Variants in TOP1 observed in about 807,000 individuals in gnomAD.
TOP1 encodes the protein DNA topoisomerase 1.
Under a neutral mutation model 111.1 loss-of-function variants are expected in TOP1, and 10 were observed. The observed-to-expected ratio is 0.09, with a 90% CI of 0.06 to 0.15. The LOEUF is 0.15. Ranked by LOEUF, TOP1 falls within the 10% of genes least tolerant of loss-of-function variation. The probability of loss-of-function intolerance (pLI) is 1.00; values close to 1 mark genes in which losing one functional copy is unlikely to be tolerated. For synonymous variants in TOP1, 271 were observed against 302.9 expected, an observed-to-expected ratio of 0.89 and a Z score of 1.10; for missense variants, 474 against 926.7, an observed-to-expected ratio of 0.51 and a Z score of 6.34.
Position 41,067,228 on chromosome 20 carries a change from T to C in TOP1, c.155+5738T>C, listed in dbSNP as rs1044944272. Among the ~76,000 whole-genome samples the C allele has an allele frequency of 3.9e-5, 6 of 152,026 alleles. No homozygotes were observed. Among genetic ancestry groups the C allele is most frequent in the Non-Finnish European group, 8.8e-5 (6 of 68,006 alleles). On this transcript the variant is annotated intron_variant, in intron 3 of 20. Transcript: ENST00000361337. This position sits in a 1 kb window ranked among gnomAD's most constrained non-coding sequence, Gnocchi z 4.0. The stretch of plus-strand genomic sequence containing the variant: ...TCTGCCTCCTGGGTTCAAGCGATTC[T>C]CCTGCCTCAGCCTCCCGAGTAGCTG...
At chr20:41,073,456 C>T in intron 3 of TOP1, 4 of 984,588 alleles carry the variant, frequency 4.1e-6, no homozygotes, top group African/African-American at 1.8e-5. Flanking sequence ...GGTATCCAAA[C>T]ATCTTTATTC....
rs1458876769 is a variant in TOP1, at chr20:41,100,411, C to T, written c.1163+168C>T. 2.0e-5 allele frequency among the ~76,000 whole-genome samples: 3 copies of T among 152,146 alleles called. No individual in the cohort carries two copies. Among genetic ancestry groups the T allele is most frequent in the East Asian group, 1.9e-4 (1 of 5,198 alleles). ...AGATGTTTTTGAGGTACAGTTGTCT[C>T]CCCTCATCCACAGGGGATATGTTCC... On this transcript the variant is annotated intron_variant, in intron 12 of 20. Coordinates refer to ENST00000361337, the MANE Select transcript of TOP1 (RefSeq NM_003286.4). This position sits in a 1 kb window ranked among gnomAD's most constrained non-coding sequence, Gnocchi z 4.4.
chr20:41,049,265 G>A (rs183468011), intron 2 of TOP1, among the ~76,000 whole-genome samples: 6 of 152,276 alleles, frequency 3.9e-5, no homozygotes, highest in Admixed American at 3.9e-4. Flanking sequence ...CTGAACACTT[G>A]GGCACTTTGG....
intron 13 of TOP1, among the ~76,000 whole-genome samples, chr20:41,108,579 A>T (rs1411674796): frequency 2.0e-5 from 3 of 152,138 alleles, no homozygotes; most frequent in Non-Finnish European, 2.9e-5. Context: ...GGTTGTCCTG[A>T]ACTCATTCAT....
intron 8 of TOP1, among the ~76,000 whole-genome samples, chr20:41,089,192 T>C (rs970924526): frequency 6.6e-6 from 1 of 151,758 alleles, no homozygotes; most frequent in African/African-American, 2.4e-5. Context: ...TCCCGGCTAA[T>C]TTTTTATATT....
Position 41,101,238 on chromosome 20 carries a change from G to A in TOP1, c.1193G>A (p.Gly398Glu). 6.2e-7 allele frequency: 1 copy of A among 1,614,076 alleles called. No individual in the cohort carries two copies. Among genetic ancestry groups the A allele is most frequent in the Non-Finnish European group, 8.5e-7 (1 of 1,179,960 alleles). ...KDAKVPSPPP[G>E]HKWKEVRHDN... ...GCCAAGGTTCCTTCTCCTCCTCCAG[G>A]ACATAAGTGGAAAGAAGTCCGGCAT... is the stretch of plus-strand genomic sequence containing the variant. The change falls in exon 13 of 21, where the codon GGA becomes GAA. Residue 398 changes from glycine to glutamate, a missense_variant. By Grantham distance (98) the Gly-to-Glu change is moderately conservative (BLOSUM62 -2). This residue lies in a region of TOP1 where 22 missense variants were observed against 30.4 expected (regional missense o/e 0.72). Transcript: ENST00000361337. The surrounding 1 kb of genome is among the most constrained non-coding windows in gnomAD (Gnocchi z 4.1).
At chr20:41,063,614 G>A (rs775744911) in intron 3 of TOP1, among the ~76,000 whole-genome samples, 12 of 152,022 alleles carry the variant, frequency 7.9e-5, no homozygotes, top group Non-Finnish European at 1.6e-4. Context: ...GCTGGTTTTT[G>A]ATTTTTAATA....
chr20:41,086,042 C>T (rs2033843617), intron 8 of TOP1, among the ~76,000 whole-genome samples: 1 of 152,190 alleles, frequency 6.6e-6, no homozygotes, highest in African/African-American at 2.4e-5. Flanking sequence ...GCTGGTGGAT[C>T]ACCTGAGGTC....
chr20:41,098,603 T>C lies in TOP1; in HGVS notation c.975+266T>C, dbSNP rs865863783. On this transcript the variant is annotated intron_variant, in intron 11 of 20. Transcript: ENST00000361337. The surrounding 1 kb of genome is among the most constrained non-coding windows in gnomAD (Gnocchi z 5.7). ...CAGTCAGTAACTCCAGCCAATAATA[T>C]AGTAATTAAGGATGGGCAGACCTGT... 6 of 340,270 alleles carry C rather than the reference T, an allele frequency of 1.8e-5. No individual in the cohort carries two copies. Among genetic ancestry groups the C allele is most frequent in the Non-Finnish European group, 3.2e-5 (6 of 185,154 alleles). The allele number at this position is 340,270 out of a possible 1,614,324, so 21.1% of individuals were successfully genotyped here.
At chr20:41,107,399 CTT>C (rs544563477) in intron 13 of TOP1, among the ~76,000 whole-genome samples, 136 of 152,074 alleles carry the variant, frequency 8.9e-4, no homozygotes, top group Non-Finnish European at 2.1e-4. Context: ...CTCTTTGTCT[CTT>C]TAGGTCTGAT....
At position 41,028,981 on chromosome 20, in the gene TOP1, T is replaced by C; in HGVS notation, c.-87T>C. ...CCTGCGCCTCCTCGAGCCTCCGGAG[T>C]CCCCGTCCGCCCGCACAGGCCGGTT... On this transcript the variant is annotated 5_prime_UTR_variant, in exon 1 of 21. Transcript: ENST00000361337. The C allele has an allele frequency of 8.4e-7, 1 of 1,189,990 alleles. No individual in the cohort carries two copies. The highest frequency in any genetic ancestry group is 1.2e-6 in the Non-Finnish European group (1 of 839,918). 73.7% of individuals were successfully genotyped at this position (1,189,990 alleles called of 1,614,324 possible).
chr20:41,080,203 G>T lies in TOP1; in HGVS notation c.431+23G>T. 2 of 1,456,484 alleles carry T rather than the reference G, an allele frequency of 1.4e-6. No individual in the cohort carries two copies. Among genetic ancestry groups the T allele is most frequent in the South Asian group, 2.5e-5 (2 of 81,226 alleles). The allele number at this position is 1,456,484 out of a possible 1,614,324, so 90.2% of individuals were successfully genotyped here. A position where few individuals can be genotyped will look rare whatever the true frequency, so the allele number is the denominator to read the frequency against. ...TGAGTGAGTATTTTCTTAAAACTTT[G>T]ACTTTTGAAAACAAAAAGGAGGAGT... is the stretch of plus-strand genomic sequence containing the variant. On this transcript the variant is annotated intron_variant, in intron 6 of 20. Transcript: ENST00000361337. This position sits in a 1 kb window ranked among gnomAD's most constrained non-coding sequence, Gnocchi z 5.0.
chr20:41,096,128 G>A (rs1322757179), intron 9 of TOP1, among the ~76,000 whole-genome samples: 1 of 152,108 alleles, frequency 6.6e-6, no homozygotes, highest in African/African-American at 2.4e-5. Flanking sequence ...GTGCAGTGGC[G>A]TGATCTTGGC....
In TOP1 at chr20:41,092,963, A is replaced by G. The variant is rs1323963215; in HGVS notation, c.730+376A>G. On this transcript the variant is annotated intron_variant, in intron 9 of 20. Coordinates refer to ENST00000361337, the MANE Select transcript of TOP1 (RefSeq NM_003286.4). The surrounding 1 kb of genome is among the most constrained non-coding windows in gnomAD (Gnocchi z 4.3). ...AGTATTTTATGTTAGCAATATAACA[A>G]TGCAATCGGACAAGCTGCTCATCAC... Among the ~76,000 whole-genome samples, 5 of 152,240 alleles carry G rather than the reference A, an allele frequency of 3.3e-5. No individual in the cohort carries two copies. Among genetic ancestry groups the G allele is most frequent in the African/African-American group, 1.2e-4 (5 of 41,468 alleles).
chr20:41,062,473 T>G (rs1487835936), intron 3 of TOP1, among the ~76,000 whole-genome samples: 1 of 152,222 alleles, frequency 6.6e-6, no homozygotes, highest in East Asian at 1.9e-4. Flanking sequence ...TATCCCTCAC[T>G]TATCTCTTAT....
chr20:41,114,219 C>G lies in TOP1; in HGVS notation c.1638+64C>G. Reference sequence around the variant, plus strand: ...TTATTCAACAAGCATGGGTTGACTGCTTTTTTGTGTGCTTTGCACTTTGCT... The same window carrying G: ...TTATTCAACAAGCATGGGTTGACTGGTTTTTTGTGTGCTTTGCACTTTGCT... On this transcript the variant is annotated intron_variant, in intron 15 of 20. Transcript: ENST00000361337. The surrounding 1 kb of genome is among the most constrained non-coding windows in gnomAD (Gnocchi z 4.5). 1.4e-6 allele frequency: 2 copies of G among 1,440,656 alleles called. No homozygotes were observed. Among genetic ancestry groups the G allele is most frequent in the South Asian group, 2.5e-5 (2 of 78,576 alleles). 89.2% of individuals were successfully genotyped at this position (1,440,656 alleles called of 1,614,324 possible).
rs1353292478 is a variant in TOP1 at position 41,029,221 on chromosome 20, G to A, written c.33+121G>A. ...TTGACAGGCCGGAGCCCCCGGTGAG[G>A]GGCCGCCTGCCGGAGTAGATCGGCT... On this transcript the variant is annotated intron_variant, in intron 1 of 20. Transcript: ENST00000361337. The surrounding 1 kb of genome is among the most constrained non-coding windows in gnomAD (Gnocchi z 6.1). The A allele has an allele frequency of 1.2e-6, 1 of 867,334 alleles. No individual in the cohort carries two copies. Among genetic ancestry groups the A allele is most frequent in the Non-Finnish European group, 1.6e-6 (1 of 622,716 alleles). 53.7% of individuals were successfully genotyped at this position (867,334 alleles called of 1,614,324 possible). A position where few individuals can be genotyped will look rare whatever the true frequency, so the allele number is the denominator to read the frequency against.
chr20:41,077,240 T>G (rs2033738843), intron 4 of TOP1, among the ~76,000 whole-genome samples: 1 of 152,180 alleles, frequency 6.6e-6, no homozygotes, highest in African/African-American at 2.4e-5. Context: ...GTTTTGTTTG[T>G]TTGGTTTTTG....
intron 2 of TOP1, among the ~76,000 whole-genome samples, chr20:41,056,209 C>G (rs973832082): frequency 1.3e-5 from 2 of 152,142 alleles, no homozygotes; most frequent in Non-Finnish European, 2.9e-5. Flanking sequence ...TGCAGAATAT[C>G]TCTACAGTTT....
Sources: allele counts gnomAD v4.1 joint callset (sites outside exome capture counted in the v4.1 genomes callset), GRCh38; gene constraint gnomAD v4.1.1; regional missense constraint gnomAD v4.1.1; non-coding constraint Gnocchi (gnomAD v3.1); transcripts MANE v1.5; gene names NCBI Gene and HGNC (gene_info 2026-07-23, HGNC 2026-07-21).